Variants in ATP6V1H observed in about 807,000 individuals in gnomAD.
The protein encoded by ATP6V1H is V-type proton ATPase subunit H.
Under a neutral mutation model 71.7 loss-of-function variants are expected in ATP6V1H, and 39 were observed. The ratio of observed to expected loss-of-function variants is 0.54; its 90% CI spans 0.42 to 0.71. ATP6V1H has a LOEUF of 0.71. ATP6V1H is among the 30% of genes least tolerant of loss of function. The pLI, the probability that ATP6V1H is intolerant of heterozygous loss-of-function variation, is 0.00. For synonymous variants in ATP6V1H, 192 were observed against 199.3 expected (o/e 0.96, Z 0.31); for missense variants, 509 against 594.9 (o/e 0.86, Z 1.50).
intron 13 of ATP6V1H, among the ~76,000 whole-genome samples, chr8:53,724,191 G>A (rs1321927420): frequency 1.3e-5 from 2 of 152,084 alleles, no homozygotes; most frequent in African/African-American, 4.8e-5. Flanking sequence ...ACTCTGAAAG[G>A]AAGAAGGGCA....
chr8:53,720,322 C>T (rs1178989314), intron 13 of ATP6V1H, among the ~76,000 whole-genome samples: 4 of 152,184 alleles, frequency 2.6e-5, no homozygotes, highest in African/African-American at 7.2e-5. Flanking sequence ...AACCCAAGTA[C>T]ATAAACGGCT....
At chr8:53,740,860 G>T (rs1309504452) in intron 13 of ATP6V1H, among the ~76,000 whole-genome samples, 2 of 152,118 alleles carry the variant, frequency 1.3e-5, no homozygotes, top group African/African-American at 4.8e-5. Flanking sequence ...TATTACTTGA[G>T]CAACTTTCAT....
At position 53,755,709 on chromosome 8, in the gene ATP6V1H, TATATATATATATATATATATATATA is replaced by T. The variant is rs1563450991; in HGVS notation, c.1277+821_1277+845del. On this transcript the variant is annotated intron_variant, in intron 12 of 13. Coordinates refer to ENST00000359530, the MANE Select transcript of ATP6V1H (RefSeq NM_015941.4). ...ACATATATATATATATATATATATATATATATATATATATATATATATATATATATATATATTTTTTTTTTTTTTT... is the reference window on the plus strand; with the variant it reads ...ACATATATATATATATATATATATATTATATATATATTTTTTTTTTTTTTT... Among the ~76,000 whole-genome samples, 2 of 4,866 alleles carry T rather than the reference TATATATATATATATATATATATATA, an allele frequency of 4.1e-4. 1 individual carries two copies. The highest frequency in any genetic ancestry group is 2.0e-3 in the African/African-American group (2 of 1,014). 3.2% of individuals were successfully genotyped at this position (4,866 alleles called of 152,430 possible).
chr8:53,805,541 A>T (rs541839857), intron 7 of ATP6V1H, among the ~76,000 whole-genome samples: 1 of 152,332 alleles, frequency 6.6e-6, no homozygotes, highest in African/African-American at 2.4e-5. Context: ...AAGAACTGAA[A>T]CAAATGGAAT....
intron 4 of ATP6V1H, among the ~76,000 whole-genome samples, chr8:53,822,263 C>T (rs915935917): frequency 1.3e-4 from 20 of 151,804 alleles, no homozygotes; most frequent in Admixed American, 6.6e-5. Flanking sequence ...TTAAGAGATC[C>T]CTGGGAAAAC....
intron 10 of ATP6V1H, among the ~76,000 whole-genome samples, chr8:53,770,448 T>C (rs1808614556): frequency 6.6e-6 from 1 of 152,176 alleles, no homozygotes; most frequent in Non-Finnish European, 1.5e-5. Context: ...GGACTTTCTC[T>C]GAAGTAAAAA....
chr8:53,814,297 C>T (rs951311620), intron 6 of ATP6V1H, among the ~76,000 whole-genome samples: 1 of 152,074 alleles, frequency 6.6e-6, no homozygotes, highest in Non-Finnish European at 1.5e-5. Context: ...CCTGCTGTAC[C>T]GTTTGTTTTC....
chr8:53,801,095 C>T (rs1366893312), intron 8 of ATP6V1H, among the ~76,000 whole-genome samples: 3 of 152,132 alleles, frequency 2.0e-5, no homozygotes, highest in African/African-American at 7.2e-5. Context: ...ACTGAAAAGA[C>T]CTAGAATATT....
intron 9 of ATP6V1H, among the ~76,000 whole-genome samples, chr8:53,787,606 T>C (rs1809429260): frequency 6.6e-6 from 1 of 152,216 alleles, no homozygotes; most frequent in Non-Finnish European, 1.5e-5. Flanking sequence ...TTATCTGACA[T>C]ATAATGTAGG....
chr8:53,776,750 T>C (rs1271078651), intron 9 of ATP6V1H, among the ~76,000 whole-genome samples: 3 of 151,986 alleles, frequency 2.0e-5, no homozygotes, highest in Non-Finnish European at 4.4e-5. Flanking sequence ...TGAGATGAAT[T>C]AGATGTTGGA....
chr8:53,731,923 G>A (rs1051029204), intron 13 of ATP6V1H, among the ~76,000 whole-genome samples: 1 of 152,246 alleles, frequency 6.6e-6, no homozygotes, highest in East Asian at 1.9e-4. Context: ...TCAGAGCGGT[G>A]CATGGCAGTC....
intron 2 of ATP6V1H, among the ~76,000 whole-genome samples, chr8:53,838,430 T>C (rs1261334492): frequency 6.6e-6 from 1 of 152,170 alleles, no homozygotes; most frequent in African/African-American, 2.4e-5. Context: ...CCTGTGAGTG[T>C]CTTTATGCGT....
intron 13 of ATP6V1H, among the ~76,000 whole-genome samples, chr8:53,726,889 C>T (rs973357224): frequency 5.9e-5 from 9 of 152,136 alleles, no homozygotes; most frequent in African/African-American, 1.2e-4. Flanking sequence ...ACTATCTAGC[C>T]CCACTTCCAC....
rs150866340 is a variant in ATP6V1H, at chr8:53,739,184, G to A, written c.1391+4393C>T. On this transcript the variant is annotated intron_variant, in intron 13 of 13. Coordinates refer to ENST00000359530, the MANE Select transcript of ATP6V1H (RefSeq NM_015941.4). ...AAATTAGAAATTAGTTCTGGAAAAC[G>A]TTAAATCTAGAAATGTTATGTTTAT... Among the ~76,000 whole-genome samples the A allele has an allele frequency of 3.5e-3, 531 of 152,116 alleles. 5 individuals are homozygous for A. Among genetic ancestry groups the A allele is most frequent in the South Asian group, 5.2e-3 (25 of 4,820 alleles).
chr8:53,728,382 TG>T (rs1377288616), intron 13 of ATP6V1H, among the ~76,000 whole-genome samples: 1 of 152,194 alleles, frequency 6.6e-6, no homozygotes, highest in Non-Finnish European at 1.5e-5. Context: ...TCAGACTCAG[TG>T]TGAAAAAAAT....
intron 11 of ATP6V1H, among the ~76,000 whole-genome samples, chr8:53,766,739 T>C (rs1379622154): frequency 1.3e-5 from 2 of 152,204 alleles, no homozygotes; most frequent in South Asian, 2.1e-4. Flanking sequence ...CAGTCTCCCA[T>C]AGCGTTCCCA....
At chr8:53,745,686 C>G (rs1315772097) in intron 12 of ATP6V1H, among the ~76,000 whole-genome samples, 1 of 150,560 alleles carries the variant, frequency 6.6e-6, no homozygotes, top group East Asian at 1.9e-4. Flanking sequence ...CCATTTTAAA[C>G]AGGAAAATCA....
chr8:53,747,490 T>A (rs548159908), intron 12 of ATP6V1H, among the ~76,000 whole-genome samples: 77 of 152,192 alleles, frequency 5.1e-4, no homozygotes, highest in African/African-American at 1.6e-3. Context: ...TTATTTTTTT[T>A]ACTTACCTGA....
At chr8:53,783,235 A>T (rs911771003) in intron 9 of ATP6V1H, among the ~76,000 whole-genome samples, 1 of 152,182 alleles carries the variant, frequency 6.6e-6, no homozygotes, top group Non-Finnish European at 1.5e-5. Flanking sequence ...TTATTGGTCT[A>T]TTCAGAGATT....
Sources: allele counts gnomAD v4.1 joint callset (sites outside exome capture counted in the v4.1 genomes callset), GRCh38; gene constraint gnomAD v4.1.1; transcripts MANE v1.5; gene names NCBI Gene and HGNC (gene_info 2026-07-23, HGNC 2026-07-21).